The following KRIT1 variants were observed in gnomAD, a reference collection of about 807,000 sequenced individuals.
The protein encoded by KRIT1 is krev interaction trapped protein 1.
In KRIT1, 45 loss-of-function variants were observed where a neutral mutation model predicts 95.8. The observed-to-expected ratio is 0.47, with a 90% confidence interval of 0.37 to 0.60. The LOEUF (loss-of-function observed/expected upper bound fraction) is 0.60. Among genes scored for constraint, KRIT1 ranks in the 20% least tolerant of loss-of-function variants. The probability of loss-of-function intolerance (pLI) is 0.00; values close to 1 mark genes in which losing one functional copy is unlikely to be tolerated. For missense variants in KRIT1, 788 were observed against 877.5 expected, an observed-to-expected ratio of 0.90 and a Z score of 1.29; for synonymous variants, 282 against 278.8, an observed-to-expected ratio of 1.01 and a Z score of -0.11.
intron 17 of KRIT1, among the ~76,000 whole-genome samples, chr7:92,211,011 T>C (rs1325471896): frequency 6.6e-6 from 1 of 152,108 alleles, no homozygotes; most frequent in Non-Finnish European, 1.5e-5. Flanking sequence ...ATGGCTATTA[T>C]CAAAATGACA....
chr7:92,219,686 A>G (rs1486996458), intron 14 of KRIT1, among the ~76,000 whole-genome samples: 1 of 152,206 alleles, frequency 6.6e-6, no homozygotes, highest in Non-Finnish European at 1.5e-5. Flanking sequence ...AGCTATTGGA[A>G]TACTGTTAGG....
chr7:92,221,844 T>C (rs935875285), intron 14 of KRIT1, 58 bp downstream of exon 14: 25 of 1,470,378 alleles, frequency 1.7e-5, no homozygotes, highest in East Asian at 4.6e-5. Context: ...GTGCTTACAA[T>C]AGAAACTCAA....
In KRIT1 at chr7:92,214,793, A is replaced by T; in HGVS notation, c.1564-16T>A. On this transcript the variant is annotated splice_polypyrimidine_tract_variant and intron_variant, in intron 14 of 18. Coordinates refer to ENST00000394505, the MANE Select transcript of KRIT1 (RefSeq NM_194454.3). ...GGTCTTCAATCTTAAAGGAAAAAGT[A>T]TAATTTGGTTATTAGGCTACAATTT... The T allele has an allele frequency of 6.4e-7, 1 of 1,551,328 alleles. No homozygotes were observed. Among genetic ancestry groups the T allele is most frequent in the Non-Finnish European group, 8.9e-7 (1 of 1,123,704 alleles).
chr7:92,233,441 T>C (rs941486088), intron 10 of KRIT1, among the ~76,000 whole-genome samples: 1 of 148,918 alleles, frequency 6.7e-6, no homozygotes, highest in Non-Finnish European at 1.5e-5. Context: ...GGAATCTCAC[T>C]CTGTCACCAG....
chr7:92,233,361 A>G (rs1797728273), intron 10 of KRIT1, among the ~76,000 whole-genome samples: 1 of 152,050 alleles, frequency 6.6e-6, no homozygotes, highest in South Asian at 2.1e-4. Flanking sequence ...TCAATCTAAT[A>G]CAACTAAGAC....
At chr7:92,241,633 T>C (rs1400022054) in intron 4 of KRIT1, among the ~76,000 whole-genome samples, 2 of 152,190 alleles carry the variant, frequency 1.3e-5, no homozygotes, top group Non-Finnish European at 2.9e-5. Flanking sequence ...GTAACTTAAT[T>C]GTCTAAAAAT....
chr7:92,226,366 A>G (rs1050790895), intron 11 of KRIT1, among the ~76,000 whole-genome samples, 160 bp downstream of exon 11: 2 of 152,194 alleles, frequency 1.3e-5, no homozygotes, highest in African/African-American at 4.8e-5. Flanking sequence ...TATTTATTCT[A>G]CAAAGTACAA....
chr7:92,223,784 T>C (rs1375795207), intron 12 of KRIT1, among the ~76,000 whole-genome samples: 1 of 152,198 alleles, frequency 6.6e-6, no homozygotes, highest in Non-Finnish European at 1.5e-5. Context: ...TTTGAGCCAG[T>C]TTCCTTCCCC....
At chr7:92,236,589 A>G in intron 6 of KRIT1, 47 bp from the exon 7 acceptor site, 1 of 1,199,826 alleles carries the variant, frequency 8.3e-7, no homozygotes, top group South Asian at 1.2e-5. Context: ...AAAGGTTTAC[A>G]TCTGCATGTT....
intron 16 of KRIT1, 84 bp from the exon 17 acceptor site, chr7:92,213,485 A>G: frequency 1.1e-6 from 1 of 874,110 alleles, no homozygotes; most frequent in Non-Finnish European, 1.8e-6. Flanking sequence ...TCAACTAAGC[A>G]GTTTCTAAAA....
intron 4 of KRIT1, 126 bp downstream of exon 4, chr7:92,241,908 T>C (rs1003005927): frequency 2.7e-5 from 17 of 624,404 alleles, no homozygotes; most frequent in Non-Finnish European, 4.5e-5. Context: ...GACAAAATAA[T>C]GGGCAGAGAC....
intron 13 of KRIT1, 58 bp from the exon 14 acceptor site, chr7:92,222,111 A>G: frequency 7.5e-7 from 1 of 1,324,910 alleles, no homozygotes; most frequent in South Asian, 1.2e-5. Context: ...ATATCAATGC[A>G]TAGAAACTTT....
chr7:92,225,853 A>G (rs2131512812), intron 11 of KRIT1, 26 bp from the exon 12 acceptor site: 2 of 1,167,502 alleles, frequency 1.7e-6, no homozygotes, highest in Non-Finnish European at 2.6e-6. Flanking sequence ...GGGAGGGGGA[A>G]AAAAGGCATT....
chr7:92,231,339 G>A (rs1363294812), intron 10 of KRIT1, among the ~76,000 whole-genome samples: 1 of 151,836 alleles, frequency 6.6e-6, no homozygotes, highest in African/African-American at 2.4e-5. Flanking sequence ...ACATATATAG[G>A]TATTGTTATT....
chr7:92,227,435 C>T (rs1436862060), intron 10 of KRIT1, among the ~76,000 whole-genome samples: 3 of 151,978 alleles, frequency 2.0e-5, no homozygotes, highest in South Asian at 2.1e-4. Flanking sequence ...TTGTGGCGCA[C>T]GCCTGTAATC....
chr7:92,240,155 C>G (rs551931052), intron 5 of KRIT1, among the ~76,000 whole-genome samples: 1 of 152,112 alleles, frequency 6.6e-6, no homozygotes, highest in African/African-American at 2.4e-5. Flanking sequence ...GAAACACAGG[C>G]TTATAGCTCA....
intron 12 of KRIT1, among the ~76,000 whole-genome samples, chr7:92,224,942 G>A (rs972255210): frequency 4.0e-4 from 61 of 151,796 alleles, no homozygotes; most frequent in African/African-American, 1.4e-3. Flanking sequence ...GGAGGATCAC[G>A]AGGTCAGGTG....
intron 17 of KRIT1, among the ~76,000 whole-genome samples, chr7:92,211,071 CAG>C (rs572664804): frequency 6.4e-4 from 97 of 152,224 alleles, no homozygotes; most frequent in Non-Finnish European, 1.1e-3. Flanking sequence ...AACTTTTATA[CAG>C]AGTTAGTGGG....
Position 92,201,405 on chromosome 7 carries a change from T to G in KRIT1, c.2044A>C (p.Lys682Gln), listed in dbSNP as rs138763545. Residue 682 changes from lysine to glutamine, a missense_variant, in exon 18 of 19, where the codon AAG (lysine) becomes CAG (glutamine). Transcript: ENST00000394505. Reference protein sequence around the residue: ...METKALLISLKYGCFMWQLGD... With the variant: ...METKALLISLQYGCFMWQLGD... ...AATTGCCACATAAAACAACCATACT[T>G]AAGACTGATGAGTAAAGCCTGCAAC... The G allele has an allele frequency of 4.3e-4, 676 of 1,554,152 alleles. 1 individual carries two copies. The African/African-American group carries it at 8.4e-3, about 19-fold the overall frequency.
Sources: allele counts gnomAD v4.1 joint callset (sites outside exome capture counted in the v4.1 genomes callset), GRCh38; gene constraint gnomAD v4.1.1; transcripts MANE v1.5; gene names NCBI Gene and HGNC (gene_info 2026-07-23, HGNC 2026-07-21).